The following NCOA2 variants were observed in gnomAD, a reference collection of about 807,000 sequenced individuals.
NCOA2 encodes nuclear receptor coactivator 2, also known as class E basic helix-loop-helix protein 75.
A neutral mutation model predicts 145.1 loss-of-function variants in NCOA2; 21 were observed. That is an observed-to-expected ratio of 0.14 (90% confidence interval 0.10 to 0.21). The LOEUF is 0.21. Among genes scored for constraint, NCOA2 ranks in the 10% least tolerant of loss-of-function variants. The pLI is 1.00. For missense variants in NCOA2, 1,472 were observed against 1,837.6 expected (o/e 0.80, Z 3.64); for synonymous variants, 619 against 637.5 (o/e 0.97, Z 0.44).
At chr8:70,237,100 T>C (rs1821686512) in intron 2 of NCOA2, among the ~76,000 whole-genome samples, 1 of 152,262 alleles carries the variant, frequency 6.6e-6, no homozygotes, top group African/African-American at 2.4e-5. Context: ...CAAACTGCTA[T>C]CGAGTTTGAA....
intron 1 of NCOA2, among the ~76,000 whole-genome samples, chr8:70,354,805 G>T (rs1157168619): frequency 6.6e-6 from 1 of 152,150 alleles, no homozygotes; most frequent in Non-Finnish European, 1.5e-5. Context: ...AAAAATGGCA[G>T]AACTTCACTT....
intron 2 of NCOA2, among the ~76,000 whole-genome samples, chr8:70,248,770 CA>C (rs34467589): frequency 0.75 from 113,733 of 150,926 alleles, 44,054 homozygotes; most frequent in Non-Finnish European, 0.84. Context: ...AAAGTCTGCA[CA>C]TGTTCAGTAC....
intron 1 of NCOA2, among the ~76,000 whole-genome samples, chr8:70,397,694 G>A (rs1188972338): frequency 6.6e-6 from 1 of 152,112 alleles, no homozygotes; most frequent in Non-Finnish European, 1.5e-5. Flanking sequence ...CAAGGACAGA[G>A]AGCACAAAAC....
chr8:70,265,018 A>G (rs747249498), intron 2 of NCOA2, among the ~76,000 whole-genome samples: 13 of 152,226 alleles, frequency 8.5e-5, no homozygotes, highest in African/African-American at 1.9e-4. Flanking sequence ...CCTCTAAGAA[A>G]AGAAGAGAAT....
intron 1 of NCOA2, among the ~76,000 whole-genome samples, chr8:70,303,608 A>G (rs142717121): frequency 3.3e-5 from 5 of 152,314 alleles, no homozygotes; most frequent in African/African-American, 1.2e-4. Flanking sequence ...ATTATCTTAT[A>G]CTAAAATTTA....
At chr8:70,117,650 G>A (rs1807300025) in intron 22 of NCOA2, among the ~76,000 whole-genome samples, 1 of 152,198 alleles carries the variant, frequency 6.6e-6, no homozygotes, top group South Asian at 2.1e-4. Flanking sequence ...AGCCCTCAGT[G>A]TTCCCTTTAG....
chr8:70,417,061 A>C, the NCOA2 span, among the ~76,000 whole-genome samples: 2 of 152,050 alleles, frequency 1.3e-5, no homozygotes. Context: ...ATAAGGAAAC[A>C]ATTACAGCCT....
At chr8:70,442,200 G>C in the NCOA2 span, among the ~76,000 whole-genome samples, 1 of 131,458 alleles carries the variant, frequency 7.6e-6, no homozygotes, top group Non-Finnish European at 1.8e-5. Flanking sequence ...GCCGATGAGA[G>C]AAGCTGCATT....
chr8:70,443,553 T>C, the NCOA2 span, among the ~76,000 whole-genome samples: 1 of 152,226 alleles, frequency 6.6e-6, no homozygotes, highest in East Asian at 1.9e-4. Flanking sequence ...GTTCTATTTT[T>C]CTATCTGTCT....
At position 70,277,508 on chromosome 8, in the gene NCOA2, T is replaced by C. The variant is rs577874422; in HGVS notation, c.-20+19236A>G. ...CTTTTTTAAAAATAAAATCCCTACA[T>C]TTTAAAATAAAATCTTTGCTAAAGT... On this transcript the variant is annotated intron_variant, in intron 2 of 22. Transcript: ENST00000452400. 4.0e-4 allele frequency among the ~76,000 whole-genome samples: 61 copies of C among 152,290 alleles called. 1 individual carries two copies. The highest frequency in any genetic ancestry group is 1.4e-3 in the African/African-American group (59 of 41,570).
At chr8:70,172,001 T>C (rs7001050) in intron 5 of NCOA2, among the ~76,000 whole-genome samples, 3,279 of 152,226 alleles carry the variant, frequency 0.022, 141 homozygotes, top group African/African-American at 0.075. Flanking sequence ...AATTTTTTTA[T>C]TTTTGTAATG....
chr8:70,361,191 A>C (rs915887367), intron 1 of NCOA2, among the ~76,000 whole-genome samples: 1 of 152,136 alleles, frequency 6.6e-6, no homozygotes, highest in Non-Finnish European at 1.5e-5. Context: ...TCTACAGAGC[A>C]AACATTTACA....
chr8:70,383,711 G>C (rs1812415647), intron 1 of NCOA2, among the ~76,000 whole-genome samples: 1 of 152,108 alleles, frequency 6.6e-6, no homozygotes, highest in African/African-American at 2.4e-5. Context: ...CTCCATGTTG[G>C]TCAAGCTGGT....
chr8:70,407,365 A>C (rs1344257839), upstream of NCOA2, among the ~76,000 whole-genome samples: 1 of 152,238 alleles, frequency 6.6e-6, no homozygotes, highest in East Asian at 1.9e-4. Flanking sequence ...TATTATTCTC[A>C]TTTTATGTAC....
At chr8:70,201,172 A>C (rs1293098945) in intron 4 of NCOA2, among the ~76,000 whole-genome samples, 2 of 152,158 alleles carry the variant, frequency 1.3e-5, no homozygotes, top group Non-Finnish European at 2.9e-5. Flanking sequence ...AATTAAAATC[A>C]ATTCTCAGGT....
chr8:70,395,293 C>T (rs2131686779), intron 1 of NCOA2, among the ~76,000 whole-genome samples: 1 of 152,278 alleles, frequency 6.6e-6, no homozygotes, highest in Admixed American at 6.5e-5. Flanking sequence ...AAGTGGTCAG[C>T]TACTGGAGTC....
At chr8:70,455,683 T>G in the NCOA2 span, among the ~76,000 whole-genome samples, 14 of 152,198 alleles carry the variant, frequency 9.2e-5, no homozygotes, top group South Asian at 2.7e-3. Flanking sequence ...ATTTTTTTTT[T>G]TTTTGTTACT....
At chr8:70,333,800 G>A (rs1807312231) in intron 1 of NCOA2, among the ~76,000 whole-genome samples, 1 of 152,172 alleles carries the variant, frequency 6.6e-6, no homozygotes, top group Non-Finnish European at 1.5e-5. Flanking sequence ...CCCCTTGCCT[G>A]AGCAATATAC....
At chr8:70,286,312 T>C (rs1004448548) in intron 2 of NCOA2, among the ~76,000 whole-genome samples, 1 of 152,146 alleles carries the variant, frequency 6.6e-6, no homozygotes, top group African/African-American at 2.4e-5. Context: ...GCCCAGGAGT[T>C]CAAGGTTGCA....
Sources: allele counts gnomAD v4.1 joint callset (sites outside exome capture counted in the v4.1 genomes callset), GRCh38; gene constraint gnomAD v4.1.1; transcripts MANE v1.5; gene names NCBI Gene and HGNC (gene_info 2026-07-23, HGNC 2026-07-21).